NFATC3: variants seen among roughly 807,000 people sequenced by gnomAD.
NFATC3 encodes the protein nuclear factor of activated T cells 3, also known as nuclear factor of activated T-cells, cytoplasmic 3.
Under a neutral mutation model 98.6 loss-of-function variants are expected in NFATC3, and 46 were observed. The observed-to-expected ratio is 0.47, with a 90% CI of 0.37 to 0.60. NFATC3 has a LOEUF of 0.60. Ranked by LOEUF, NFATC3 falls within the 20% of genes least tolerant of loss-of-function variation. The probability of loss-of-function intolerance (pLI) is 0.00; values close to 1 mark genes in which losing one functional copy is unlikely to be tolerated. For synonymous variants in NFATC3, 512 were observed against 472.2 expected (o/e 1.08, Z -1.09); for missense variants, 1,256 against 1,295.5 (o/e 0.97, Z 0.47).
intron 4 of NFATC3, among the ~76,000 whole-genome samples, chr16:68,164,584 C>T (rs1045574857): frequency 6.6e-6 from 1 of 152,152 alleles, no homozygotes; most frequent in East Asian, 1.9e-4. Flanking sequence ...TGTAGCAGTG[C>T]TACACCTTGA....
intron 9 of NFATC3, among the ~76,000 whole-genome samples, chr16:68,224,538 G>A (rs552455033): frequency 1.4e-5 from 2 of 146,400 alleles, no homozygotes; most frequent in African/African-American, 5.0e-5. Flanking sequence ...GCCTCCCAGA[G>A]TGCTGGGTTT....
Position 68,190,832 on chromosome 16 carries a change from T to G in NFATC3, c.2163T>G (p.Pro721=), listed in dbSNP as rs1374138766. 1.2e-6 allele frequency: 2 copies of G among 1,614,174 alleles called. No individual in the cohort carries two copies. Among genetic ancestry groups the G allele is most frequent in the Non-Finnish European group, 1.7e-6 (2 of 1,180,002 alleles). The change falls in exon 9 of 10, where the codon CCT becomes CCG. Residue 721 remains proline, a synonymous_variant. Coordinates refer to ENST00000346183, the MANE Select transcript of NFATC3 (RefSeq NM_173165.3). The stretch of plus-strand genomic sequence containing the variant: ...CTTCAGTTCCATCTTTGCCTGTGCC[T>G]CATCCTGCTCAGACCCAGAGGCCTT... ...DLSSVPSLPV[P]HPAQTQRPSS...
intron 1 of NFATC3, among the ~76,000 whole-genome samples, chr16:68,092,620 G>A (rs1241136317): frequency 6.8e-6 from 1 of 147,606 alleles, no homozygotes; most frequent in African/African-American, 2.5e-5. Context: ...TTAGTACATC[G>A]AAGCTGGGTG....
chr16:68,104,051 G>A (rs897202411), intron 1 of NFATC3, among the ~76,000 whole-genome samples: 1 of 152,162 alleles, frequency 6.6e-6, no homozygotes, highest in African/African-American at 2.4e-5. Context: ...GTATAAATTT[G>A]AGGATTGGCT....
chr16:68,154,701 AT>A (rs1173689766), intron 3 of NFATC3, among the ~76,000 whole-genome samples: 6 of 152,216 alleles, frequency 3.9e-5, no homozygotes, highest in Admixed American at 3.9e-4. Flanking sequence ...GGGATAAAAT[AT>A]TAAGTGTGAA....
intron 3 of NFATC3, among the ~76,000 whole-genome samples, chr16:68,138,159 C>T (rs1425255200): frequency 6.6e-6 from 1 of 151,940 alleles, no homozygotes; most frequent in African/African-American, 2.4e-5. Flanking sequence ...CCTCAACCTC[C>T]CAAGTAGCTA....
intron 8 of NFATC3, among the ~76,000 whole-genome samples, chr16:68,188,042 C>A (rs2040279405): frequency 6.6e-6 from 1 of 152,186 alleles, no homozygotes; most frequent in African/African-American, 2.4e-5. Flanking sequence ...TCATCAGTGC[C>A]CAAAGTCTGG....
At chr16:68,098,300 A>ATTTTTT (rs200355791) in intron 1 of NFATC3, among the ~76,000 whole-genome samples, 30 of 94,310 alleles carry the variant, frequency 3.2e-4, no homozygotes, top group African/African-American at 1.2e-3. Context: ...TATTATTATT[A>ATTTTTT]TTTTTTTTTT....
At chr16:68,177,709 A>G (rs1302141075) in intron 6 of NFATC3, among the ~76,000 whole-genome samples, 1 of 151,952 alleles carries the variant, frequency 6.6e-6, no homozygotes, top group Non-Finnish European at 1.5e-5. Flanking sequence ...TAATTTCTCT[A>G]TCTTTTTCTA....
At chr16:68,095,569 G>A (rs1186714530) in intron 1 of NFATC3, among the ~76,000 whole-genome samples, 1 of 152,056 alleles carries the variant, frequency 6.6e-6, no homozygotes, top group Non-Finnish European at 1.5e-5. Context: ...GGACACGCTG[G>A]TCTTGAACTC....
rs548405169 is a variant in NFATC3 at position 68,221,090 on chromosome 16, A to T, written c.3107-5260A>T. 5.0e-4 allele frequency: 631 copies of T among 1,269,958 alleles called. 1 individual carries two copies. The highest frequency in any genetic ancestry group is 2.1e-4 in the Non-Finnish European group (192 of 911,154). 78.7% of individuals were successfully genotyped at this position (1,269,958 alleles called of 1,614,324 possible). On this transcript the variant is annotated intron_variant, in intron 9 of 9. Coordinates refer to ENST00000346183, the MANE Select transcript of NFATC3 (RefSeq NM_173165.3). ...AATTAGCAAATTCATGCATATATCC[A>T]TTCAAGATGACTTGAAAAATTAAAT...
At position 68,085,745 on chromosome 16, in the gene NFATC3, G is replaced by C. The variant is rs1419531672; in HGVS notation, c.64G>C (p.Gly22Arg). The stretch of plus-strand genomic sequence containing the variant: ...CTTCAAACTCGTCTTTGGCGAGGAC[G>C]GGGCGCCGGCGCCGCCGCCCCCGGG... The part of the protein sequence containing the change: ...LDFKLVFGED[G>R]APAPPPPGSR... The change falls in exon 1 of 10, where the codon GGG becomes CGG. Residue 22 changes from glycine to arginine, a missense_variant. This residue lies in a region of NFATC3 where 464 missense variants were observed against 465.7 expected (regional missense o/e 1.00). Coordinates refer to ENST00000346183, the MANE Select transcript of NFATC3 (RefSeq NM_173165.3). 2 of 1,505,478 alleles carry C rather than the reference G, an allele frequency of 1.3e-6. No homozygotes were observed. The highest frequency in any genetic ancestry group is 1.8e-6 in the Non-Finnish European group (2 of 1,130,994). The allele number at this position is 1,505,478 out of a possible 1,614,324, so 93.3% of individuals were successfully genotyped here.
intron 5 of NFATC3, among the ~76,000 whole-genome samples, chr16:68,170,496 T>G (rs957077864): frequency 9.8e-5 from 14 of 142,396 alleles, no homozygotes; most frequent in Non-Finnish European, 1.7e-4. Context: ...TGGCTGTTCT[T>G]TTTTTTTTTT....
intron 9 of NFATC3, 54 bp from the exon 10 acceptor site, chr16:68,226,296 A>T: frequency 1.3e-6 from 2 of 1,534,814 alleles, no homozygotes; most frequent in Admixed American, 2.4e-5. Flanking sequence ...GTTGGGCATC[A>T]TATGGCTAAT....
chr16:68,197,958 A>G (rs759644530), intron 9 of NFATC3, among the ~76,000 whole-genome samples: 36 of 152,234 alleles, frequency 2.4e-4, no homozygotes, highest in Non-Finnish European at 4.9e-4. Flanking sequence ...GGACATTAAC[A>G]TCAATTTTTT....
In NFATC3 at chr16:68,126,443, T is replaced by C; in HGVS notation, c.1239-5T>C. 2 of 1,606,354 alleles carry C rather than the reference T, an allele frequency of 1.2e-6. No individual in the cohort carries two copies. Among genetic ancestry groups the C allele is most frequent in the Non-Finnish European group, 1.7e-6 (2 of 1,174,594 alleles). Reference sequence around the variant, plus strand: ...GACATGCATCTTTGTGTGTTTTGTTTGTAGCACATCTTCATTACCTCCACT... The same window carrying C: ...GACATGCATCTTTGTGTGTTTTGTTCGTAGCACATCTTCATTACCTCCACT... On this transcript the variant is annotated splice_polypyrimidine_tract_variant and splice_region_variant and intron_variant, in intron 2 of 9. Transcript: ENST00000346183.
intron 1 of NFATC3, among the ~76,000 whole-genome samples, chr16:68,093,370 A>C (rs1212347659): frequency 6.6e-6 from 1 of 152,236 alleles, no homozygotes; most frequent in Non-Finnish European, 1.5e-5. Flanking sequence ...GGAAATTGAG[A>C]CTCAAATTGA....
intron 3 of NFATC3, among the ~76,000 whole-genome samples, chr16:68,139,803 T>C (rs1231047166): frequency 6.6e-6 from 1 of 152,194 alleles, no homozygotes; most frequent in African/African-American, 2.4e-5. Context: ...ATCAGACATG[T>C]TGACTACTCC....
intron 1 of NFATC3, 135 bp from the exon 2 acceptor site, chr16:68,121,852 A>G (rs2036598839): frequency 3.0e-6 from 3 of 997,822 alleles, no homozygotes; most frequent in South Asian, 1.7e-5. Flanking sequence ...AGTGGAGCTA[A>G]TGACATACAT....
Sources: allele counts gnomAD v4.1 joint callset (sites outside exome capture counted in the v4.1 genomes callset), GRCh38; gene constraint gnomAD v4.1.1; regional missense constraint gnomAD v4.1.1; transcripts MANE v1.5; gene names NCBI Gene and HGNC (gene_info 2026-07-23, HGNC 2026-07-21).